HDAC9: variants seen among roughly 807,000 people sequenced by gnomAD.
HDAC9 encodes MEF-2 interacting transcription repressor (MITR) protein.
A neutral mutation model predicts 139.4 loss-of-function variants in HDAC9; 41 were observed. The ratio of observed to expected loss-of-function variants is 0.29; its 90% CI spans 0.23 to 0.38. The LOEUF is 0.38. Among genes scored for constraint, HDAC9 ranks in the 10% least tolerant of loss-of-function variants. HDAC9 has a pLI of 1.00. For synonymous variants in HDAC9, 517 were observed against 476.2 expected (o/e 1.09, Z -1.12); for missense variants, 1,147 against 1,297.0 (o/e 0.88, Z 1.78).
intron 1 of HDAC9, among the ~76,000 whole-genome samples, chr7:18,344,804 G>C (rs1414519785): frequency 1.3e-5 from 2 of 152,024 alleles, no homozygotes; most frequent in African/African-American, 2.4e-5. Context: ...ATCAAATTCA[G>C]TGTTAACTGC....
intron 1 of HDAC9, among the ~76,000 whole-genome samples, chr7:18,149,707 C>T (rs535412324): frequency 7.3e-5 from 11 of 151,586 alleles, no homozygotes; most frequent in South Asian, 2.1e-4. Flanking sequence ...CCCACCACCA[C>T]GCCCAACTAA....
chr7:18,863,680 A>T (rs1005640499), intron 21 of HDAC9, among the ~76,000 whole-genome samples: 16 of 152,204 alleles, frequency 1.1e-4, no homozygotes, highest in African/African-American at 3.6e-4. Context: ...TGGACATAAT[A>T]TATAAGTAAA....
At chr7:18,914,132 C>T (rs925112564) in intron 22 of HDAC9, among the ~76,000 whole-genome samples, 19 of 151,726 alleles carry the variant, frequency 1.3e-4, no homozygotes, top group Non-Finnish European at 2.8e-4. Flanking sequence ...CCTCTCACAC[C>T]ATGTGAGGAC....
intron 2 of HDAC9, among the ~76,000 whole-genome samples, chr7:18,246,845 A>T (rs1794574610): frequency 6.6e-6 from 1 of 152,108 alleles, no homozygotes; most frequent in South Asian, 2.1e-4. Context: ...TCCAGGTGAG[A>T]GGAGATAATG....
rs535878618 is a variant in HDAC9, at chr7:18,989,363, C to A, written c.3171-6660C>A. ...GATATGAAATTCTGGGTTGAAAATT[C>A]TTTTCTTTAATATTGACCCCCACTG... is the stretch of plus-strand genomic sequence containing the variant. On this transcript the variant is annotated intron_variant, in intron 25 of 25. Coordinates refer to ENST00000686413, the MANE Select transcript of HDAC9 (RefSeq NM_178425.4). 2.3e-3 allele frequency among the ~76,000 whole-genome samples: 346 copies of A among 151,930 alleles called. 3 individuals carry two copies. Among genetic ancestry groups the A allele is most frequent in the African/African-American group, 7.8e-3 (323 of 41,444 alleles).
chr7:18,885,813 A>T (rs1800103511), intron 22 of HDAC9, among the ~76,000 whole-genome samples: 1 of 152,218 alleles, frequency 6.6e-6, no homozygotes, highest in South Asian at 2.1e-4. Flanking sequence ...TTTATAATAT[A>T]ATAGCAGTTT....
chr7:18,493,909 T>C (rs933439360), upstream of HDAC9, among the ~76,000 whole-genome samples: 23 of 152,112 alleles, frequency 1.5e-4, no homozygotes, highest in African/African-American at 5.5e-4. Flanking sequence ...CCTTATGTCA[T>C]GAGACAGAGT....
At chr7:18,594,819 C>T (rs1172087401) in intron 6 of HDAC9, among the ~76,000 whole-genome samples, 1 of 151,918 alleles carries the variant, frequency 6.6e-6, no homozygotes, top group African/African-American at 2.4e-5. Flanking sequence ...AAATATAGTT[C>T]TTTAGAGACA....
At chr7:18,790,568 T>C (rs572017401) in intron 16 of HDAC9, among the ~76,000 whole-genome samples, 1 of 152,310 alleles carries the variant, frequency 6.6e-6, no homozygotes, top group East Asian at 1.9e-4. Context: ...TATTTTGTTA[T>C]GGCAACCTGA....
At chr7:18,467,738 C>A (rs1169160250) in intron 1 of HDAC9, among the ~76,000 whole-genome samples, 1 of 152,120 alleles carries the variant, frequency 6.6e-6, no homozygotes, top group African/African-American at 2.4e-5. Flanking sequence ...CCAGAGAACC[C>A]ACGTTGGCAC....
chr7:18,935,317 CTAATG>C (rs904661228), intron 22 of HDAC9, among the ~76,000 whole-genome samples: 6 of 151,906 alleles, frequency 3.9e-5, no homozygotes, highest in Non-Finnish European at 7.4e-5. Context: ...CTTATAAAAT[CTAATG>C]TAATAGATTT....
chr7:18,141,189 A>G (rs559210039), intron 1 of HDAC9, among the ~76,000 whole-genome samples: 1 of 152,222 alleles, frequency 6.6e-6, no homozygotes, highest in African/African-American at 2.4e-5. Flanking sequence ...TTCCCTTGCT[A>G]GTTTCAGTAC....
At chr7:18,149,099 T>C (rs1361118101) in intron 1 of HDAC9, among the ~76,000 whole-genome samples, 4 of 152,164 alleles carry the variant, frequency 2.6e-5, no homozygotes, top group African/African-American at 9.7e-5. Context: ...AACGTGAGGA[T>C]TATAAGACTT....
Position 18,419,450 on chromosome 7 carries a change from G to A in HDAC9, c.-41-76812G>A, listed in dbSNP as rs1160460656. ...TATATGAGACCCCCGTTTGAGTCAG[G>A]CAAAGACTGTGCTCCATCTACTGCC... On this transcript the variant is annotated intron_variant, in intron 1 of 3. Coordinates refer to the HDAC9 transcript ENST00000413509. 2.6e-5 allele frequency among the ~76,000 whole-genome samples: 4 copies of A among 152,158 alleles called. No homozygotes were observed. In the East Asian group the frequency reaches 5.8e-4, roughly 22 times the overall value.
chr7:18,160,884 T>C (rs1323654915), intron 1 of HDAC9, among the ~76,000 whole-genome samples: 1 of 151,990 alleles, frequency 6.6e-6, no homozygotes, highest in East Asian at 1.9e-4. Flanking sequence ...TCCCAAAGGG[T>C]GATATTATTA....
intron 17 of HDAC9, among the ~76,000 whole-genome samples, chr7:18,825,468 G>GA (rs201089273): frequency 3.3e-5 from 5 of 149,982 alleles, no homozygotes; most frequent in African/African-American, 7.3e-5. Flanking sequence ...AGGCTGAGAG[G>GA]AAAAAAAAAT....
chr7:18,421,921 C>T (rs988752889), intron 1 of HDAC9, among the ~76,000 whole-genome samples: 10 of 152,152 alleles, frequency 6.6e-5, no homozygotes, highest in Non-Finnish European at 1.3e-4. Context: ...GTGGTGGTGA[C>T]TCCTAATCTG....
intron 19 of HDAC9, among the ~76,000 whole-genome samples, chr7:18,832,798 C>G (rs112581320): frequency 1.3e-5 from 2 of 152,042 alleles, no homozygotes; most frequent in African/African-American, 4.8e-5. Context: ...TGCAATGGCA[C>G]GATCTCGGCT....
At chr7:18,093,790 T>C (rs1782323765) in intron 1 of HDAC9, among the ~76,000 whole-genome samples, 1 of 152,184 alleles carries the variant, frequency 6.6e-6, no homozygotes, top group South Asian at 2.1e-4. Context: ...TTTGTTCTTC[T>C]ATTACTCAGT....
Sources: gnomAD v4.1 joint callset for allele counts (sites outside exome capture counted in the v4.1 genomes callset) on GRCh38, gnomAD v4.1.1 for gene constraint, MANE v1.5 for transcripts, NCBI Gene and HGNC (gene_info 2026-07-23, HGNC 2026-07-21) for gene names.